Variants in QSER1 observed in about 807,000 individuals in gnomAD.
QSER1 encodes glutamine and serine-rich protein 1.
QSER1 carries 49 observed loss-of-function variants against 158.5 expected under a neutral mutation model. That is an observed-to-expected ratio of 0.31 (90% CI 0.25 to 0.39). The LOEUF is 0.39. Among genes scored for constraint, QSER1 ranks in the 10% least tolerant of loss-of-function variants. The pLI is 1.00. For missense variants in QSER1, 1,754 were observed against 2,010.3 expected (o/e 0.87, Z 2.44); for synonymous variants, 650 against 715.5 (o/e 0.91, Z 1.46).
In QSER1 at chr11:32,957,890, T is replaced by C; in HGVS notation, c.4773T>C (p.Ser1591=). The C allele has an allele frequency of 2.5e-6, 4 of 1,614,108 alleles. No homozygotes were observed. Among genetic ancestry groups the C allele is most frequent in the Non-Finnish European group, 3.4e-6 (4 of 1,179,994 alleles). The change falls in exon 8 of 13, where the codon AGT becomes AGC. Residue 1591 remains serine, a synonymous_variant. Coordinates refer to ENST00000650167, the MANE Select transcript of QSER1 (RefSeq NM_001076786.3). ...GCAGAACTGTTCAAGCTAAGCCAAG[T>C]AGTAGCAGTAAAACTTCTGATCCTC... ...QTIRTVQAKP[S]SSSKTSDPLA...
intron 1 of QSER1, among the ~76,000 whole-genome samples, chr11:32,907,746 A>T (rs1424840886): frequency 6.6e-6 from 1 of 152,178 alleles, no homozygotes; most frequent in Admixed American, 6.5e-5. Flanking sequence ...TGGTATTTAC[A>T]GGTAGTTAGT....
At chr11:32,940,624 C>CTAACTAA (rs1384454645) in intron 4 of QSER1, among the ~76,000 whole-genome samples, 2 of 151,942 alleles carry the variant, frequency 1.3e-5, no homozygotes, top group Admixed American at 1.3e-4. Context: ...AACTGTCTTT[C>CTAACTAA]CAGTTTTTCT....
chr11:32,945,410 G>T (rs2133569157), intron 4 of QSER1, among the ~76,000 whole-genome samples: 1 of 150,676 alleles, frequency 6.6e-6, no homozygotes, highest in East Asian at 2.0e-4. Flanking sequence ...CTTCCTTCAG[G>T]AGCTCTTTTA....
chr11:32,973,444 T>C lies in QSER1; in HGVS notation c.5253T>C (p.Ser1751=). The C allele has an allele frequency of 6.2e-7, 1 of 1,613,904 alleles. No homozygotes were observed. Among genetic ancestry groups the C allele is most frequent in the South Asian group, 1.1e-5 (1 of 91,012 alleles). Residue 1751 remains serine, a synonymous_variant, in exon 11 of 13, where the codon TCT becomes TCC. Coordinates refer to ENST00000650167, the MANE Select transcript of QSER1 (RefSeq NM_001076786.3). ...AACTAACAATAATTACTCGAGATTC[T>C]AAAGCAAAGAGTGGAGGAACTGCTA... ...FPELTIITRD[S]KAKSGGTAIS... is the part of the protein sequence containing the mutation.
In QSER1 at chr11:32,931,871, T is replaced by G; in HGVS notation, c.613T>G (p.Ser205Ala). 6.2e-7 allele frequency: 1 copy of G among 1,614,198 alleles called. No homozygotes were observed. The highest frequency in any genetic ancestry group is 8.5e-7 in the Non-Finnish European group (1 of 1,180,024). The change falls in exon 4 of 13, where the codon TCA (serine) becomes GCA (alanine). Residue 205 changes from serine (S) to alanine (A), a missense_variant. Physicochemically the swap from Ser to Ala is moderately conservative, Grantham distance 99. Transcript: ENST00000650167. ...CAGCAATAGAAACTTTGCTACCACT[T>G]CACCTTTGGTGCTTCAGGATTCAAC... is the stretch of plus-strand genomic sequence containing the variant. ...TFSNRNFATT[S>A]PLVLQDSTFN...
At chr11:32,960,268 T>C (rs1287138612) in intron 8 of QSER1, among the ~76,000 whole-genome samples, 6 of 152,220 alleles carry the variant, frequency 3.9e-5, no homozygotes, top group African/African-American at 1.4e-4. Flanking sequence ...TAGAAATATA[T>C]ACATCAGGCT....
At chr11:32,924,268 TTAAAG>T (rs1457097864) in intron 1 of QSER1, among the ~76,000 whole-genome samples, 1 of 151,920 alleles carries the variant, frequency 6.6e-6, no homozygotes, top group Non-Finnish European at 1.5e-5. Context: ...ACCTCATTAT[TTAAAG>T]ACAGTGGAGG....
At chr11:32,916,219 T>C (rs1300835373) in intron 1 of QSER1, among the ~76,000 whole-genome samples, 2 of 152,186 alleles carry the variant, frequency 1.3e-5, no homozygotes, top group Non-Finnish European at 2.9e-5. Flanking sequence ...ATAATTTTTA[T>C]TGATACAATT....
chr11:32,943,084 G>A (rs1852268022), intron 4 of QSER1, among the ~76,000 whole-genome samples: 1 of 150,904 alleles, frequency 6.6e-6, no homozygotes, highest in African/African-American at 2.4e-5. Flanking sequence ...CATTGATTTT[G>A]TATCCTGAGA....
rs757131827 is a variant in QSER1, at chr11:32,934,111, T to G, written c.2853T>G (p.Asp951Glu). 24 of 1,614,040 alleles carry G rather than the reference T, an allele frequency of 1.5e-5. 1 individual carries two copies. In the South Asian group the frequency reaches 2.6e-4, roughly 18 times the overall value. ...ATTTTAGTGAAACAAATCAACATGATTCAAAGAATCAGTTTGTTTCTCTTG... is the reference window on the plus strand; with the variant it reads ...ATTTTAGTGAAACAAATCAACATGAGTCAAAGAATCAGTTTGTTTCTCTTG... Reference protein sequence around the residue: ...KGHFSETNQHDSKNQFVSLGS... With the variant: ...KGHFSETNQHESKNQFVSLGS... The change falls in exon 4 of 13, where the codon GAT (aspartate) becomes GAG (glutamate). Residue 951 changes from aspartate to glutamate, a missense_variant. Physicochemically the swap from Asp to Glu is conservative, Grantham distance 45. Around this residue, in one of 2 missense-constraint regions of QSER1, gnomAD observed 1,707 missense variants for 1,919.6 expected, o/e 0.89. Coordinates refer to ENST00000650167, the MANE Select transcript of QSER1 (RefSeq NM_001076786.3).
At position 32,906,091 on chromosome 11, in the gene QSER1, A is replaced by G. The variant is rs903417101; in HGVS notation, c.209+12757A>G. Among the ~76,000 whole-genome samples, 9 of 151,452 alleles carry G rather than the reference A, an allele frequency of 5.9e-5. 1 individual carries two copies. The highest frequency in any genetic ancestry group is 3.9e-4 in the Admixed American group (6 of 15,202). On this transcript the variant is annotated intron_variant, in intron 1 of 12. Transcript: ENST00000650167. ...AAGTTGATTTTCTCTACTATAAAAA[A>G]GACTATTTTTTAGTTTTTTTTTTTT...
At position 32,902,423 on chromosome 11, in the gene QSER1, T is replaced by TA. The variant is rs199795030; in HGVS notation, c.209+9090dup. On this transcript the variant is annotated intron_variant, in intron 1 of 12. Transcript: ENST00000650167. ...TTCTAACAAGTTTGTAGGTGATTCT[T>TA]ATGCTGCTTGTCCAGTGAGGAGATT... Among the ~76,000 whole-genome samples the TA allele has an allele frequency of 2.3e-3, 344 of 152,340 alleles. 3 individuals carry two copies. Among genetic ancestry groups the TA allele is most frequent in the East Asian group, 0.017 (86 of 5,182 alleles).
At chr11:32,899,855 C>T (rs1190992701) in intron 1 of QSER1, among the ~76,000 whole-genome samples, 2 of 152,118 alleles carry the variant, frequency 1.3e-5, no homozygotes, top group African/African-American at 2.4e-5. Flanking sequence ...AAATTTACAT[C>T]TCTGGATTCA....
chr11:32,931,109 A>G (rs1176321059), intron 3 of QSER1, among the ~76,000 whole-genome samples: 2 of 151,574 alleles, frequency 1.3e-5, no homozygotes, highest in East Asian at 3.9e-4. Context: ...TGTTATGTAC[A>G]TTTTGGTTTG....
In QSER1 at chr11:32,958,003, A is replaced by G; in HGVS notation, c.4886A>G (p.Lys1629Arg). ...GTAAAGGCTGAGCCACCACCAAAGA[A>G]ACGGAAAAAATGGAAAGAAGAATTT... ...PKVKAEPPPK[K>R]RKKWKEEFSS... Residue 1629 changes from lysine (K) to arginine (R), a missense_variant, in exon 8 of 13, where the codon AAA (lysine) becomes AGA (arginine). Lys to Arg is a conservative substitution (Grantham distance 26, BLOSUM62 2). Coordinates refer to ENST00000650167, the MANE Select transcript of QSER1 (RefSeq NM_001076786.3). The G allele has an allele frequency of 6.2e-7, 1 of 1,614,128 alleles. No homozygotes were observed. The highest frequency in any genetic ancestry group is 8.5e-7 in the Non-Finnish European group (1 of 1,180,006).
intron 7 of QSER1, 43 bp from the exon 8 acceptor site, chr11:32,957,826 C>T (rs1934330208): frequency 2.7e-6 from 4 of 1,461,530 alleles, no homozygotes; most frequent in Non-Finnish European, 3.8e-6. Flanking sequence ...TTTAGTTTAA[C>T]AAGATTTCAG....
At chr11:32,966,138 A>G (rs1352764254) in intron 8 of QSER1, among the ~76,000 whole-genome samples, 162 bp from the exon 9 acceptor site, 1 of 152,202 alleles carries the variant, frequency 6.6e-6, no homozygotes, top group Non-Finnish European at 1.5e-5. Context: ...GTCATGTGCA[A>G]ACCAGCTTTG....
intron 1 of QSER1, among the ~76,000 whole-genome samples, chr11:32,924,295 G>A (rs1851938014): frequency 6.6e-6 from 1 of 152,000 alleles, no homozygotes; most frequent in African/African-American, 2.4e-5. Flanking sequence ...CAGGTGTGGT[G>A]GCTCACACCT....
chr11:32,948,535 A>C (rs1852372974), intron 4 of QSER1, among the ~76,000 whole-genome samples: 1 of 152,186 alleles, frequency 6.6e-6, no homozygotes, highest in Non-Finnish European at 1.5e-5. Context: ...AGCCTGAGGC[A>C]GGAGTATCGG....
Sources: allele counts gnomAD v4.1 joint callset (sites outside exome capture counted in the v4.1 genomes callset), GRCh38; gene constraint gnomAD v4.1.1; regional missense constraint gnomAD v4.1.1; transcripts MANE v1.5; gene names NCBI Gene and HGNC (gene_info 2026-07-23, HGNC 2026-07-21).